The following PKNOX2 variants were observed in gnomAD, a reference collection of about 807,000 sequenced individuals.
The protein encoded by PKNOX2 is homeobox protein PKNOX2.
A neutral mutation model predicts 53.1 loss-of-function variants in PKNOX2; 14 were observed. The ratio of observed to expected loss-of-function variants is 0.26; its 90% CI spans 0.17 to 0.41. The LOEUF (loss-of-function observed/expected upper bound fraction) is 0.41. PKNOX2 is among the 10% of genes least tolerant of loss of function. The pLI is 1.00. For synonymous variants in PKNOX2, 257 were observed against 242.8 expected (o/e 1.06, Z -0.54); for missense variants, 496 against 602.8 (o/e 0.82, Z 1.85).
intron 2 of PKNOX2, among the ~76,000 whole-genome samples, chr11:125,264,484 G>A (rs752098856): frequency 3.3e-5 from 5 of 152,114 alleles, no homozygotes; most frequent in Non-Finnish European, 7.4e-5. Context: ...CCTAATAACT[G>A]CAGGACTGGA....
At chr11:125,315,328 A>AAAAAAAAAAAAAAAAAAAAAC (rs1201379428) in intron 2 of PKNOX2, among the ~76,000 whole-genome samples, 5 of 144,844 alleles carry the variant, frequency 3.5e-5, no homozygotes, top group African/African-American at 1.4e-4. Flanking sequence ...AAAAAAAAAA[A>AAAAAAAAAAAAAAAAAAAAAC]CACCTCTCTC....
intron 4 of PKNOX2, among the ~76,000 whole-genome samples, chr11:125,354,806 CTG>C (rs1425911483): frequency 4.6e-5 from 7 of 152,136 alleles, no homozygotes; most frequent in Non-Finnish European, 7.3e-5. Flanking sequence ...GAAGCATTCA[CTG>C]TTATGGCCTC....
intron 2 of PKNOX2, among the ~76,000 whole-genome samples, chr11:125,276,380 G>A (rs530749340): frequency 5.9e-5 from 9 of 152,194 alleles, no homozygotes; most frequent in Non-Finnish European, 1.3e-4. Context: ...TTTAAAGGAG[G>A]ATGATATGGA....
intron 4 of PKNOX2, among the ~76,000 whole-genome samples, chr11:125,360,353 T>G (rs1396164217): frequency 6.6e-6 from 1 of 151,962 alleles, no homozygotes; most frequent in Non-Finnish European, 1.5e-5. Context: ...AGAGGAGAAA[T>G]CTAGCAAAAG....
chr11:125,359,212 G>T (rs1331751346), intron 4 of PKNOX2, among the ~76,000 whole-genome samples: 3 of 148,956 alleles, frequency 2.0e-5, no homozygotes, highest in South Asian at 2.1e-4. Context: ...GGGGAGGAGG[G>T]CTGTGCAGGT....
chr11:125,391,317 C>T (rs185592947), intron 6 of PKNOX2, among the ~76,000 whole-genome samples: 1 of 152,102 alleles, frequency 6.6e-6, no homozygotes, highest in Non-Finnish European at 1.5e-5. Flanking sequence ...TTGTAAAGTG[C>T]TGTGTATACA....
At chr11:125,391,985 A>G (rs189914752) in intron 6 of PKNOX2, among the ~76,000 whole-genome samples, 25 of 152,374 alleles carry the variant, frequency 1.6e-4, no homozygotes, top group African/African-American at 5.3e-4. Flanking sequence ...GGAGACAAAA[A>G]TCCAAAATTG....
intron 1 of PKNOX2, among the ~76,000 whole-genome samples, chr11:125,183,190 G>A (rs1451835913): frequency 6.9e-6 from 1 of 144,396 alleles, no homozygotes; most frequent in African/African-American, 2.6e-5. Context: ...TGTAGCATGC[G>A]ATGAATCCTT....
At chr11:125,189,452 T>TATAC (rs869243697) in intron 1 of PKNOX2, among the ~76,000 whole-genome samples, 9 of 67,580 alleles carry the variant, frequency 1.3e-4, no homozygotes, top group Non-Finnish European at 8.3e-5. Context: ...TGTGTGTATA[T>TATAC]ATATATATAT....
intron 2 of PKNOX2, among the ~76,000 whole-genome samples, chr11:125,300,088 C>A (rs1947937977): frequency 6.6e-6 from 1 of 152,222 alleles, no homozygotes; most frequent in Non-Finnish European, 1.5e-5. Context: ...ACCTGTCTGG[C>A]CTTCGGGGCC....
chr11:125,332,287 G>A (rs111274885), intron 3 of PKNOX2, among the ~76,000 whole-genome samples: 7,817 of 152,162 alleles, frequency 0.051, 227 homozygotes, highest in East Asian at 0.12. Flanking sequence ...TGGTGGTGGC[G>A]GGGTGGGGTG....
At chr11:125,236,309 G>A (rs1942688596) in intron 2 of PKNOX2, among the ~76,000 whole-genome samples, 2 of 149,582 alleles carry the variant, frequency 1.3e-5, no homozygotes, top group East Asian at 2.0e-4. Flanking sequence ...AGGAGCAGTC[G>A]GATCTCCAGG....
intron 2 of PKNOX2, among the ~76,000 whole-genome samples, chr11:125,329,594 T>G (rs535059597): frequency 5.3e-5 from 8 of 152,188 alleles, no homozygotes; most frequent in Non-Finnish European, 1.2e-4. Context: ...GACTAGAGCT[T>G]TCAGAGAATG....
At chr11:125,398,306 A>G (rs1261319978) in intron 7 of PKNOX2, among the ~76,000 whole-genome samples, 2 of 152,308 alleles carry the variant, frequency 1.3e-5, no homozygotes, top group Non-Finnish European at 2.9e-5. Flanking sequence ...TCGGAGAGGG[A>G]CAATGTCCAA....
At chr11:125,274,004 G>C (rs553184853) in intron 2 of PKNOX2, among the ~76,000 whole-genome samples, 58 of 152,294 alleles carry the variant, frequency 3.8e-4, no homozygotes, top group African/African-American at 1.4e-3. Flanking sequence ...GTAGCTTCCT[G>C]CCAACAGTGG....
At chr11:125,271,946 G>A (rs1163438583) in intron 2 of PKNOX2, among the ~76,000 whole-genome samples, 5 of 152,186 alleles carry the variant, frequency 3.3e-5, no homozygotes, top group Admixed American at 3.3e-4. Flanking sequence ...AATAAAACCT[G>A]CCCTTGCTTT....
chr11:125,175,471 A>G, intron 1 of PKNOX2, among the ~76,000 whole-genome samples: 1 of 152,170 alleles, frequency 6.6e-6, no homozygotes, highest in Non-Finnish European at 1.5e-5. Flanking sequence ...GAGCTCTGTG[A>G]TTTCTAGGTA....
At chr11:125,375,683 G>A (rs891350452) in intron 5 of PKNOX2, among the ~76,000 whole-genome samples, 3 of 152,174 alleles carry the variant, frequency 2.0e-5, no homozygotes, top group African/African-American at 7.2e-5. Context: ...GTCCTTGACT[G>A]TGACCAAGAC....
At chr11:125,423,077 C>CATATATACGTATGTATATACACATAT (rs1366468314) in intron 10 of PKNOX2, among the ~76,000 whole-genome samples, 2 of 152,020 alleles carry the variant, frequency 1.3e-5, no homozygotes, top group African/African-American at 2.4e-5. Context: ...TATACACATA[C>CATATATACGTATGTATATACACATAT]ATATATACGT....
Sources: allele counts gnomAD v4.1 joint callset (sites outside exome capture counted in the v4.1 genomes callset), GRCh38; gene constraint gnomAD v4.1.1; transcripts MANE v1.5; gene names NCBI Gene and HGNC (gene_info 2026-07-23, HGNC 2026-07-21).